DTWD2: variants seen among roughly 807,000 people sequenced by gnomAD.
The protein encoded by DTWD2 is tRNA-uridine aminocarboxypropyltransferase 2.
A neutral mutation model predicts 31.8 loss-of-function variants in DTWD2; 39 were observed. That is an observed-to-expected ratio of 1.22 (90% confidence interval 0.95 to 1.60). DTWD2 has a LOEUF of 1.60. DTWD2 is among the 40% of genes most tolerant of loss of function. DTWD2 has a pLI of 0.00. For synonymous variants in DTWD2, 180 were observed against 142.8 expected (o/e 1.26, Z -1.86); for missense variants, 515 against 381.5 (o/e 1.35, Z -2.92).
chr5:118,964,276 T>C (rs1334219033), intron 1 of DTWD2, among the ~76,000 whole-genome samples: 2 of 151,782 alleles, frequency 1.3e-5, no homozygotes, highest in East Asian at 3.9e-4. Flanking sequence ...TACTCATTAA[T>C]GAGATATGAC....
At chr5:118,852,193 T>C (rs1355154256) in intron 4 of DTWD2, among the ~76,000 whole-genome samples, 1 of 152,218 alleles carries the variant, frequency 6.6e-6, no homozygotes, top group Non-Finnish European at 1.5e-5. Flanking sequence ...ACCTTATGGT[T>C]GTCTTCTGTT....
At chr5:118,870,757 G>A (rs1013814230) in intron 4 of DTWD2, among the ~76,000 whole-genome samples, 26 of 152,168 alleles carry the variant, frequency 1.7e-4, no homozygotes, top group African/African-American at 6.0e-4. Context: ...GAAGTTTGCT[G>A]CATCAATGGA....
chr5:118,874,775 T>G (rs1247673335), intron 4 of DTWD2, among the ~76,000 whole-genome samples: 2 of 152,064 alleles, frequency 1.3e-5, no homozygotes, highest in African/African-American at 4.8e-5. Flanking sequence ...AGGAACCAAC[T>G]TGGAAAACAT....
intron 4 of DTWD2, among the ~76,000 whole-genome samples, chr5:118,911,743 T>C (rs1339118242): frequency 2.0e-5 from 3 of 152,252 alleles, no homozygotes; most frequent in Non-Finnish European, 4.4e-5. Flanking sequence ...GCAAGCTGGA[T>C]GAAACTGGAG....
chr5:118,986,037 C>T (rs1181209451), intron 1 of DTWD2, among the ~76,000 whole-genome samples: 1 of 152,252 alleles, frequency 6.6e-6, no homozygotes, highest in South Asian at 2.1e-4. Context: ...GAAGAAGGGT[C>T]TCCAAAAATA....
At chr5:118,921,357 G>C (rs1333398833) in intron 4 of DTWD2, among the ~76,000 whole-genome samples, 1 of 151,826 alleles carries the variant, frequency 6.6e-6, no homozygotes, top group East Asian at 1.9e-4. Context: ...TAAAAAAAGT[G>C]TTTAAAAATT....
chr5:118,953,542 C>G (rs903922849), intron 1 of DTWD2, among the ~76,000 whole-genome samples: 1 of 152,158 alleles, frequency 6.6e-6, no homozygotes, highest in Admixed American at 6.5e-5. Flanking sequence ...TAAATGACAA[C>G]TGACTGGTAG....
At chr5:118,955,812 A>G (rs912343756) in intron 1 of DTWD2, among the ~76,000 whole-genome samples, 5 of 151,950 alleles carry the variant, frequency 3.3e-5, no homozygotes, top group African/African-American at 1.2e-4. Flanking sequence ...AAAAAAAAAA[A>G]GTTCCTTGCT....
At chr5:118,885,100 A>G (rs907332024) in intron 4 of DTWD2, among the ~76,000 whole-genome samples, 1 of 151,536 alleles carries the variant, frequency 6.6e-6, no homozygotes, top group Admixed American at 6.6e-5. Flanking sequence ...CTTAAGCCCA[A>G]GAGTTCAAGA....
intron 4 of DTWD2, among the ~76,000 whole-genome samples, chr5:118,899,691 C>T (rs1218448582): frequency 1.3e-5 from 2 of 152,086 alleles, no homozygotes; most frequent in Admixed American, 6.6e-5. Flanking sequence ...TCATTATGCC[C>T]TCCCTACAAA....
chr5:118,934,304 A>T (rs770656388), intron 3 of DTWD2, among the ~76,000 whole-genome samples: 9 of 136,736 alleles, frequency 6.6e-5, no homozygotes, highest in Non-Finnish European at 1.4e-4. Flanking sequence ...AAAAAAAAGC[A>T]AAGAATATCT....
intron 4 of DTWD2, among the ~76,000 whole-genome samples, chr5:118,888,872 G>A (rs147646847): frequency 1.3e-4 from 20 of 152,168 alleles, no homozygotes; most frequent in African/African-American, 4.6e-4. Flanking sequence ...ATATCTTTTC[G>A]TGTGTATTTG....
chr5:118,908,245 T>C (rs775405098), intron 4 of DTWD2, among the ~76,000 whole-genome samples: 2 of 152,154 alleles, frequency 1.3e-5, no homozygotes, highest in South Asian at 2.1e-4. Context: ...AAGACCTGCA[T>C]AGGGACCTCA....
intron 4 of DTWD2, among the ~76,000 whole-genome samples, chr5:118,876,114 A>G (rs1351898456): frequency 6.6e-6 from 1 of 152,218 alleles, no homozygotes; most frequent in Non-Finnish European, 1.5e-5. Context: ...TTTTGGGTAA[A>G]TAATGAAATG....
chr5:118,973,959 A>C (rs1755062527), intron 1 of DTWD2: 1 of 1,584,296 alleles, frequency 6.3e-7, no homozygotes, highest in Admixed American at 1.7e-5. Flanking sequence ...GTAGATGAAG[A>C]AGAGGAAGAA....
At chr5:118,911,782 A>C (rs935353686) in intron 4 of DTWD2, among the ~76,000 whole-genome samples, 1 of 152,166 alleles carries the variant, frequency 6.6e-6, no homozygotes, top group Non-Finnish European at 1.5e-5. Context: ...AACAGGACCC[A>C]ATCTTCGTCC....
chr5:118,893,630 T>A (rs1053939537), intron 4 of DTWD2, among the ~76,000 whole-genome samples: 1 of 152,122 alleles, frequency 6.6e-6, no homozygotes, highest in Non-Finnish European at 1.5e-5. Flanking sequence ...ATTACATGAA[T>A]GGTCCCAATC....
chr5:118,848,549 A>G (rs1485175889), intron 4 of DTWD2, among the ~76,000 whole-genome samples: 1 of 152,216 alleles, frequency 6.6e-6, no homozygotes, highest in Non-Finnish European at 1.5e-5. Context: ...TCTAATGTAA[A>G]TTAAAACCAC....
At chr5:118,916,473 C>G (rs1341902776) in intron 4 of DTWD2, among the ~76,000 whole-genome samples, 1 of 152,010 alleles carries the variant, frequency 6.6e-6, no homozygotes, top group African/African-American at 2.4e-5. Flanking sequence ...CGAGACCAGC[C>G]TGATCAACAT....
Sources: allele counts gnomAD v4.1 joint callset (sites outside exome capture counted in the v4.1 genomes callset), GRCh38; gene constraint gnomAD v4.1.1; transcripts MANE v1.5; gene names NCBI Gene and HGNC (gene_info 2026-07-23, HGNC 2026-07-21).